SORCS2: variants seen among roughly 807,000 people sequenced by gnomAD.
SORCS2 encodes VPS10 domain-containing receptor SorCS2.
SORCS2 carries 100 observed loss-of-function variants against 141.6 expected under a neutral mutation model. That is an observed-to-expected ratio of 0.71 (90% CI 0.60 to 0.83). The LOEUF (loss-of-function observed/expected upper bound fraction) is 0.83, where lower values mean the gene tolerates loss of function less well. Among genes scored for constraint, SORCS2 ranks in the 40% least tolerant of loss-of-function variants. The probability of loss-of-function intolerance (pLI) is 0.00; values close to 1 mark genes in which losing one functional copy is unlikely to be tolerated. For missense variants in SORCS2, 1,646 were observed against 1,560.2 expected, an observed-to-expected ratio of 1.05 and a Z score of -0.93; for synonymous variants, 789 against 676.9, an observed-to-expected ratio of 1.17 and a Z score of -2.57.
chr4:7,296,723 A>C (rs1394979320), intron 1 of SORCS2, among the ~76,000 whole-genome samples: 2 of 152,178 alleles, frequency 1.3e-5, no homozygotes, highest in Non-Finnish European at 2.9e-5. Flanking sequence ...ATATTCACTA[A>C]CACGGGGCCA....
intron 22 of SORCS2, 127 bp downstream of exon 22, chr4:7,728,589 G>A (rs538754329): frequency 1.5e-4 from 93 of 637,838 alleles, no homozygotes; most frequent in African/African-American, 1.3e-3. Flanking sequence ...CGATGCTCTG[G>A]TCTTCGGGCC....
chr4:7,643,753 C>T (rs1434271895), intron 4 of SORCS2, among the ~76,000 whole-genome samples: 1 of 152,188 alleles, frequency 6.6e-6, no homozygotes, highest in Non-Finnish European at 1.5e-5. Context: ...GTAGAAATTG[C>T]TGGCAGTGGG....
In SORCS2 at chr4:7,638,359, G is replaced by A. The variant is rs35727450; in HGVS notation, c.680G>A (p.Arg227Gln). The change falls in exon 4 of 27, where the codon CGG (arginine) becomes CAG (glutamine). Residue 227 changes from arginine to glutamine, a missense_variant. By Grantham distance (43) the Arg-to-Gln change is conservative. Coordinates refer to ENST00000507866, the MANE Select transcript of SORCS2 (RefSeq NM_020777.3). ...VILVSSSLSDRDQSLFLSADE... is the reference protein window; with the variant it reads ...VILVSSSLSDQDQSLFLSADE... The stretch of plus-strand genomic sequence containing the variant: ...CTTGTCAGCTCCTCACTCAGTGACC[G>A]GGACCAGAGCCTATTCCTCAGCGCA... 45 of 1,526,304 alleles carry A rather than the reference G, an allele frequency of 2.9e-5. No individual in the cohort carries two copies. In the Admixed American group the frequency reaches 3.5e-4, roughly 12 times the overall value. The allele number at this position is 1,526,304 out of a possible 1,614,324, so 94.5% of individuals were successfully genotyped here. A position where few individuals can be genotyped will look rare whatever the true frequency, so the allele number is the denominator to read the frequency against.
chr4:7,632,157 CT>C (rs1246722300), intron 3 of SORCS2, among the ~76,000 whole-genome samples: 2 of 152,212 alleles, frequency 1.3e-5, no homozygotes. Context: ...GTGTCTGCCC[CT>C]GACCATTTGC....
chr4:7,655,118 T>C (rs1449432722), intron 5 of SORCS2, among the ~76,000 whole-genome samples: 2 of 152,102 alleles, frequency 1.3e-5, no homozygotes, highest in African/African-American at 2.4e-5. Flanking sequence ...TGGGGCCATA[T>C]CCCGTCCTTC....
intron 2 of SORCS2, among the ~76,000 whole-genome samples, chr4:7,439,556 T>C (rs540472083): frequency 6.6e-6 from 1 of 152,360 alleles, no homozygotes; most frequent in South Asian, 2.1e-4. Flanking sequence ...TCCTGAGTGC[T>C]CCTTCCCAGT....
chr4:7,410,085 C>G (rs1725206332), intron 2 of SORCS2, among the ~76,000 whole-genome samples: 2 of 152,186 alleles, frequency 1.3e-5, no homozygotes, highest in Non-Finnish European at 2.9e-5. Context: ...GGGGACATCC[C>G]CATGGTGTGA....
intron 1 of SORCS2, chr4:7,381,988 G>A: frequency 1.0e-6 from 1 of 985,734 alleles, no homozygotes; most frequent in Non-Finnish European, 1.2e-6. Flanking sequence ...AGAGGAAACA[G>A]GCAGGTGAAC....
chr4:7,437,423 G>A (rs1235413892), intron 2 of SORCS2, among the ~76,000 whole-genome samples: 3 of 152,176 alleles, frequency 2.0e-5, no homozygotes, highest in Non-Finnish European at 4.4e-5. Flanking sequence ...CAACCCAGAA[G>A]CTCATCAAAC....
chr4:7,287,299 G>T (rs1024656793), intron 1 of SORCS2, among the ~76,000 whole-genome samples: 6 of 152,246 alleles, frequency 3.9e-5, no homozygotes, highest in Non-Finnish European at 8.8e-5. Context: ...TGTCCGAGAG[G>T]CTCTGAGGCC....
chr4:7,665,683 G>A (rs1206876394), intron 7 of SORCS2, among the ~76,000 whole-genome samples: 1 of 152,146 alleles, frequency 6.6e-6, no homozygotes, highest in Non-Finnish European at 1.5e-5. Context: ...CCTGACTCAG[G>A]CAAGCTGAGG....
chr4:7,248,338 G>GT (rs1282323767), intron 1 of SORCS2, among the ~76,000 whole-genome samples: 1 of 151,932 alleles, frequency 6.6e-6, no homozygotes. Flanking sequence ...GGTCACCGTG[G>GT]GGGGGCCCTG....
At chr4:7,737,281 A>G (rs1194788366) in intron 26 of SORCS2, 109 bp downstream of exon 26, 1 of 1,469,002 alleles carries the variant, frequency 6.8e-7, no homozygotes, top group African/African-American at 1.4e-5. Flanking sequence ...GGGGCCAGCA[A>G]AACGCTGGCC....
At chr4:7,227,806 G>A (rs1313503631) in intron 1 of SORCS2, among the ~76,000 whole-genome samples, 9 of 152,352 alleles carry the variant, frequency 5.9e-5, no homozygotes, top group Non-Finnish European at 8.8e-5. Flanking sequence ...TGGCTGTGGT[G>A]CCTGCTGTCC....
chr4:7,219,554 G>T (rs1728571135), intron 1 of SORCS2, among the ~76,000 whole-genome samples: 1 of 152,228 alleles, frequency 6.6e-6, no homozygotes, highest in Non-Finnish European at 1.5e-5. Flanking sequence ...GATCATGGTG[G>T]AAGGGGAAGC....
rs76849823 is a variant in SORCS2, at chr4:7,588,072, G to A, written c.649-50256G>A. Among the ~76,000 whole-genome samples the A allele has an allele frequency of 2.3e-3, 353 of 152,316 alleles. 5 individuals carry two copies. Among genetic ancestry groups the A allele is most frequent in the East Asian group, 0.017 (87 of 5,182 alleles). ...GTGTCCTTGGTCCTCCAGTCGCTGGGTCCCTGGAGAGAGGAGATCAGCGGT... is the reference window on the plus strand; with the variant it reads ...GTGTCCTTGGTCCTCCAGTCGCTGGATCCCTGGAGAGAGGAGATCAGCGGT... On this transcript the variant is annotated intron_variant, in intron 3 of 26. Coordinates refer to ENST00000507866, the MANE Select transcript of SORCS2 (RefSeq NM_020777.3).
intron 3 of SORCS2, among the ~76,000 whole-genome samples, chr4:7,626,353 T>C (rs2108838698): frequency 6.6e-6 from 1 of 152,318 alleles, no homozygotes; most frequent in African/African-American, 2.4e-5. Context: ...ACTTTCATTT[T>C]AAAATATTGA....
intron 7 of SORCS2, among the ~76,000 whole-genome samples, chr4:7,666,752 G>A (rs575512007): frequency 3.3e-5 from 5 of 152,224 alleles, no homozygotes; most frequent in African/African-American, 1.2e-4. Context: ...AGATGGTGCC[G>A]GCTTTGTTTG....
chr4:7,210,262 T>C (rs1727984535), intron 1 of SORCS2, among the ~76,000 whole-genome samples: 1 of 152,154 alleles, frequency 6.6e-6, no homozygotes, highest in African/African-American at 2.4e-5. Flanking sequence ...AGGGCTGGGC[T>C]TTCTACCCTT....
Sources: gnomAD v4.1 joint callset for allele counts (sites outside exome capture counted in the v4.1 genomes callset) on GRCh38, gnomAD v4.1.1 for gene constraint, MANE v1.5 for transcripts, NCBI Gene and HGNC (gene_info 2026-07-23, HGNC 2026-07-21) for gene names.